Variants in CHD5 observed in about 807,000 individuals in gnomAD.
CHD5 encodes the protein chromodomain helicase DNA binding protein 5.
CHD5 carries 69 observed loss-of-function variants against 230.3 expected under a neutral mutation model. The observed-to-expected ratio is 0.30, with a 90% CI of 0.25 to 0.37. The LOEUF (loss-of-function observed/expected upper bound fraction) is 0.37, where lower values mean the gene tolerates loss of function less well. Ranked by LOEUF, CHD5 falls within the 10% of genes least tolerant of loss-of-function variation. CHD5 has a pLI of 1.00. For synonymous variants in CHD5, 1,064 were observed against 1,065.9 expected (o/e 1.00, Z 0.03); for missense variants, 1,827 against 2,622.8 (o/e 0.70, Z 6.63).
chr1:6,131,374 G>T lies in CHD5; in HGVS notation c.3262+257C>A, dbSNP rs144151809. On this transcript the variant is annotated intron_variant, in intron 21 of 41. Coordinates refer to ENST00000262450, the MANE Select transcript of CHD5 (RefSeq NM_015557.3). The surrounding 1 kb of genome is among the most constrained non-coding windows in gnomAD (Gnocchi z 5.0). ...CACTTGTAACTGGGGCTCACCTGGC[G>T]TCAATATTAGAGGCCCCGTCTGCGT... Among the ~76,000 whole-genome samples the T allele has an allele frequency of 6.6e-6, 1 of 152,206 alleles. No homozygotes were observed. Among genetic ancestry groups the T allele is most frequent in the Non-Finnish European group, 1.5e-5 (1 of 68,030 alleles).
intron 1 of CHD5, among the ~76,000 whole-genome samples, chr1:6,169,016 CAAA>C (rs796551533): frequency 2.2e-4 from 22 of 98,814 alleles, no homozygotes; most frequent in Admixed American, 4.3e-4. Context: ...GAGACTCCAT[CAAA>C]AAAAAAAAAA....
At chr1:6,148,104 C>T (rs1004953414) in intron 9 of CHD5, among the ~76,000 whole-genome samples, 3 of 152,148 alleles carry the variant, frequency 2.0e-5, no homozygotes, top group Admixed American at 6.5e-5. Flanking sequence ...AGTATGCGCA[C>T]GGATGCACGC....
rs1349156646 is a variant in CHD5 at position 6,147,367 on chromosome 1, C to T, written c.1384-496G>A. Reference sequence around the variant, plus strand: ...CGGCAGCCCCATCCACCATCCCTCACCCGGGGCAGGGCTGCACCCAGGCAC... The same window carrying T: ...CGGCAGCCCCATCCACCATCCCTCATCCGGGGCAGGGCTGCACCCAGGCAC... On this transcript the variant is annotated intron_variant, in intron 9 of 41. Transcript: ENST00000262450. 2.6e-5 allele frequency among the ~76,000 whole-genome samples: 4 copies of T among 152,210 alleles called. No homozygotes were observed. The East Asian group carries it at 7.7e-4, about 29-fold the overall frequency.
At chr1:6,133,168 C>T (rs748305226) in intron 20 of CHD5, among the ~76,000 whole-genome samples, 4 of 152,178 alleles carry the variant, frequency 2.6e-5, no homozygotes, top group Admixed American at 6.6e-5. Flanking sequence ...AGGAGGGCCC[C>T]GTCTCTGTCG....
intron 39 of CHD5, 46 bp downstream of exon 39, chr1:6,106,570 G>A (rs1027797860): frequency 1.3e-6 from 2 of 1,550,528 alleles, no homozygotes; most frequent in Non-Finnish European, 1.7e-6. Context: ...CTCCACCCAG[G>A]GGCACGCCAG....
intron 30 of CHD5, 59 bp downstream of exon 30, chr1:6,124,458 A>T: frequency 6.3e-7 from 1 of 1,585,756 alleles, no homozygotes; most frequent in African/African-American, 1.3e-5. Flanking sequence ...CCCACAAGGG[A>T]CAGCACCAGG....
Position 6,152,505 on chromosome 1 carries a change from G to A in CHD5, c.777C>T (p.Ser259=), listed in dbSNP as rs1394799821. 1.9e-6 allele frequency: 3 copies of A among 1,614,008 alleles called. No individual in the cohort carries two copies. The highest frequency in any genetic ancestry group is 1.7e-5 in the Admixed American group (1 of 60,006). ...CTTTGCCCTTTTTCTTCCCATCTTT[G>A]GAGCCTTTGATCTTCTTCCTCACTC... ...GPGVRKKIKG[S]KDGKKKGKGK... is the part of the protein sequence containing the mutation. The change falls in exon 6 of 42, where the codon TCC becomes TCT. Residue 259 remains serine (S), a synonymous_variant. Coordinates refer to ENST00000262450, the MANE Select transcript of CHD5 (RefSeq NM_015557.3).
At chr1:6,177,176 G>C (rs1452042397) in intron 1 of CHD5, among the ~76,000 whole-genome samples, 2 of 152,198 alleles carry the variant, frequency 1.3e-5, no homozygotes, top group Admixed American at 6.5e-5. Context: ...CAAAACACTA[G>C]CTCCTCCAGC....
At chr1:6,170,482 G>A (rs1404140693) in intron 1 of CHD5, among the ~76,000 whole-genome samples, 1 of 152,178 alleles carries the variant, frequency 6.6e-6, no homozygotes, top group East Asian at 1.9e-4. Flanking sequence ...TGCATCCCAC[G>A]GGGCCAATGT....
chr1:6,143,744 C>A, intron 13 of CHD5, 79 bp downstream of exon 13: 3 of 1,268,848 alleles, frequency 2.4e-6, no homozygotes, highest in South Asian at 1.2e-5. Flanking sequence ...TTTGAGAACA[C>A]ACACCCCCTG....
Position 6,126,282 on chromosome 1 carries a change from C to G in CHD5, c.4078+290G>C, listed in dbSNP as rs1044121751. Among the ~76,000 whole-genome samples, 4 of 152,066 alleles carry G rather than the reference C, an allele frequency of 2.6e-5. No individual in the cohort carries two copies. Among genetic ancestry groups the G allele is most frequent in the Admixed American group, 2.6e-4 (4 of 15,274 alleles). Reference sequence around the variant, plus strand: ...GGGGTCCTGCACAGGGATGCCCCAACAGAATCCTGCCCCACCCTCCACCTC... The same window carrying G: ...GGGGTCCTGCACAGGGATGCCCCAAGAGAATCCTGCCCCACCCTCCACCTC... On this transcript the variant is annotated intron_variant, in intron 26 of 41. Coordinates refer to ENST00000262450, the MANE Select transcript of CHD5 (RefSeq NM_015557.3). The surrounding 1 kb of genome is among the most constrained non-coding windows in gnomAD (Gnocchi z 5.7).
intron 1 of CHD5, among the ~76,000 whole-genome samples, chr1:6,176,104 G>A (rs1667423165): frequency 6.6e-6 from 1 of 152,106 alleles, no homozygotes; most frequent in African/African-American, 2.4e-5. Flanking sequence ...TAACCCACTG[G>A]CCAAGCCACT....
rs1171306339 is a variant in CHD5, at chr1:6,144,150, T to G, written c.1808A>C (p.Asp603Ala). Residue 603 changes from aspartate to alanine, a missense_variant, in exon 12 of 42, where the codon GAC becomes GCC. By Grantham distance (126) the Asp-to-Ala change is moderately radical. This residue lies in a region of CHD5 where 657 missense variants were observed against 816.4 expected (regional missense o/e 0.80). Coordinates refer to ENST00000262450, the MANE Select transcript of CHD5 (RefSeq NM_015557.3). ...MIHRILNHSF[D>A]KKGDVHYLIK... The stretch of plus-strand genomic sequence containing the variant: ...CAGGTAGTGCACATCCCCCTTCTTG[T>G]CAAAGCTGCAACACGGTGAACAGAT... 6.2e-7 allele frequency: 1 copy of G among 1,614,030 alleles called. No homozygotes were observed. The highest frequency in any genetic ancestry group is 8.5e-7 in the Non-Finnish European group (1 of 1,180,030).
chr1:6,128,043 T>C lies in CHD5; in HGVS notation c.3903+3A>G. The C allele has an allele frequency of 6.3e-7, 1 of 1,599,244 alleles. No homozygotes were observed. Among genetic ancestry groups the C allele is most frequent in the East Asian group, 2.3e-5 (1 of 44,386 alleles). ...CGGATGGAGGGCGGGCCGGGGACCT[T>C]ACCACGCCGTCCTCCTCGCGCACCA... On this transcript the variant is annotated splice_donor_region_variant and intron_variant, in intron 25 of 41. Transcript: ENST00000262450. The surrounding 1 kb of genome is among the most constrained non-coding windows in gnomAD (Gnocchi z 7.8).
chr1:6,131,792 G>C lies in CHD5; in HGVS notation c.3145-44C>G. 7.7e-7 allele frequency: 1 copy of C among 1,304,572 alleles called. No individual in the cohort carries two copies. Among genetic ancestry groups the C allele is most frequent in the Non-Finnish European group, 1.1e-6 (1 of 904,724 alleles). The allele number at this position is 1,304,572 out of a possible 1,614,324, so 80.8% of individuals were successfully genotyped here. ...CGTGAGGAACTGCCAAGGAGCAAGG[G>C]GCCCCATGGGCCATGGGCGGGGACC... On this transcript the variant is annotated intron_variant, in intron 20 of 41. Transcript: ENST00000262450. The surrounding 1 kb of genome is among the most constrained non-coding windows in gnomAD (Gnocchi z 5.0).
In CHD5 at chr1:6,126,736, T is replaced by C. The variant is rs754219250; in HGVS notation, c.3914A>G (p.Glu1305Gly). The C allele has an allele frequency of 6.2e-7, 1 of 1,613,300 alleles. No individual in the cohort carries two copies. The highest frequency in any genetic ancestry group is 8.5e-7 in the Non-Finnish European group (1 of 1,179,588). ...VREEDGVEEV[E>G]REIIKQEENV... ...CTCCTCCTGCTTGATGATTTCCCGC[T>C]CCACCTCCTCCTGGGGACGCAGCAC... Residue 1305 changes from glutamate to glycine, a missense_variant, in exon 26 of 42, where the codon GAG becomes GGG. Coordinates refer to ENST00000262450, the MANE Select transcript of CHD5 (RefSeq NM_015557.3). The surrounding 1 kb of genome is among the most constrained non-coding windows in gnomAD (Gnocchi z 5.7).
intron 33 of CHD5, among the ~76,000 whole-genome samples, chr1:6,114,277 T>C (rs967248591): frequency 2.0e-5 from 3 of 149,568 alleles, no homozygotes; most frequent in African/African-American, 2.5e-5. Flanking sequence ...TCACAATTCC[T>C]GATGAGGATG....
At chr1:6,150,947 C>T (rs930084099) in intron 7 of CHD5, 85 bp downstream of exon 7, 27 of 1,379,520 alleles carry the variant, frequency 2.0e-5, no homozygotes, top group Admixed American at 2.6e-5. Context: ...CCCGGCAGGC[C>T]GAGAACCGTC....
rs138898133 is a variant in CHD5, at chr1:6,130,211, T to A, written c.3380A>T (p.Asp1127Val). The stretch of plus-strand genomic sequence containing the variant: ...GGCGGCAGCAGCACAGACCTGGATG[T>A]CATTGTGCGGGTTCCAGTCCGAGTC... ...IYDSDWNPHN[D>V]IQAFSRAHRI... is the part of the protein sequence containing the mutation. Residue 1127 changes from aspartate (D) to valine (V), a missense_variant, in exon 22 of 42, where the codon GAC becomes GTC. Asp to Val is a radical substitution (Grantham distance 152). Transcript: ENST00000262450. This position sits in a 1 kb window ranked among gnomAD's most constrained non-coding sequence, Gnocchi z 4.9. 1 of 1,613,828 alleles carries A rather than the reference T, an allele frequency of 6.2e-7. No homozygotes were observed. Among genetic ancestry groups the A allele is most frequent in the African/African-American group, 1.3e-5 (1 of 74,884 alleles).
Sources: allele counts gnomAD v4.1 joint callset (sites outside exome capture counted in the v4.1 genomes callset), GRCh38; gene constraint gnomAD v4.1.1; regional missense constraint gnomAD v4.1.1; non-coding constraint Gnocchi (gnomAD v3.1); transcripts MANE v1.5; gene names NCBI Gene and HGNC (gene_info 2026-07-23, HGNC 2026-07-21).